Variants in BCAS1 observed in about 807,000 individuals in gnomAD.
BCAS1 encodes breast carcinoma-amplified sequence 1.
BCAS1 carries 46 observed loss-of-function variants against 65.4 expected under a neutral mutation model. The observed-to-expected ratio is 0.70, with a 90% CI of 0.55 to 0.90. The LOEUF is 0.90. Among genes scored for constraint, BCAS1 ranks in the 40% least tolerant of loss-of-function variants. The pLI, the probability that BCAS1 is intolerant of heterozygous loss-of-function variation, is 0.00. For synonymous variants in BCAS1, 298 were observed against 293.5 expected (o/e 1.02, Z -0.16); for missense variants, 793 against 771.2 (o/e 1.03, Z -0.33).
intron 7 of BCAS1, among the ~76,000 whole-genome samples, chr20:53,990,855 C>T (rs1024111284): frequency 1.3e-5 from 2 of 152,200 alleles, no homozygotes; most frequent in Non-Finnish European, 2.9e-5. Flanking sequence ...CCACTCAAGG[C>T]AAAACCCTGA....
At chr20:53,955,211 C>G (rs1345419238) in intron 11 of BCAS1, among the ~76,000 whole-genome samples, 1 of 152,092 alleles carries the variant, frequency 6.6e-6, no homozygotes, top group African/African-American at 2.4e-5. Context: ...CAGAGACTCC[C>G]CGGTCCAGAA....
At chr20:54,054,305 T>C (rs1213185255) in intron 3 of BCAS1, among the ~76,000 whole-genome samples, 1 of 152,124 alleles carries the variant, frequency 6.6e-6, no homozygotes, top group Non-Finnish European at 1.5e-5. Context: ...GTAGGAAAAG[T>C]ATAGATAAAA....
At chr20:54,018,084 C>A (rs1169335289) in intron 4 of BCAS1, among the ~76,000 whole-genome samples, 3 of 152,154 alleles carry the variant, frequency 2.0e-5, no homozygotes, top group African/African-American at 4.8e-5. Flanking sequence ...TTGGCCCGTG[C>A]AAAGAAAGAA....
At chr20:53,968,115 T>C (rs1260440766) in intron 9 of BCAS1, among the ~76,000 whole-genome samples, 1 of 152,256 alleles carries the variant, frequency 6.6e-6, no homozygotes, top group Non-Finnish European at 1.5e-5. Flanking sequence ...TACCTTGGCC[T>C]GCCACGTAGC....
At chr20:54,031,331 A>G (rs2146122898) in intron 3 of BCAS1, among the ~76,000 whole-genome samples, 1 of 151,578 alleles carries the variant, frequency 6.6e-6, no homozygotes, top group South Asian at 2.1e-4. Context: ...GCAAATCCAA[A>G]CAGTAGCTTT....
At chr20:53,978,776 CTTTAGTGT>C (rs2090402254) in intron 8 of BCAS1, among the ~76,000 whole-genome samples, 2 of 152,192 alleles carry the variant, frequency 1.3e-5, no homozygotes, top group Non-Finnish European at 2.9e-5. Flanking sequence ...TCTGATCCCC[CTTTAGTGT>C]TTGACACATG....
intron 3 of BCAS1, among the ~76,000 whole-genome samples, chr20:54,048,963 T>A (rs2092161408): frequency 6.6e-6 from 1 of 152,158 alleles, no homozygotes; most frequent in Admixed American, 6.5e-5. Flanking sequence ...AGATAAAAAA[T>A]AAGATCAATT....
At chr20:53,975,507 GTT>G in intron 8 of BCAS1, 77 bp from the exon 9 acceptor site, 2 of 1,222,404 alleles carry the variant, frequency 1.6e-6, no homozygotes, top group Non-Finnish European at 2.4e-6. Flanking sequence ...CAAAGGGTTA[GTT>G]GGGCTCACAG....
At chr20:54,017,399 CTTTT>C (rs200791354) in intron 4 of BCAS1, among the ~76,000 whole-genome samples, 1 of 121,710 alleles carries the variant, frequency 8.2e-6, no homozygotes, top group Admixed American at 7.9e-5. Context: ...TTTTTCTTTT[CTTTT>C]TTTTTTTTTT....
chr20:54,008,036 G>A (rs1000617903), intron 4 of BCAS1, among the ~76,000 whole-genome samples: 4 of 152,252 alleles, frequency 2.6e-5, no homozygotes, highest in Admixed American at 6.5e-5. Context: ...CTTTCCGAAA[G>A]CCTACTCTCT....
intron 8 of BCAS1, among the ~76,000 whole-genome samples, chr20:53,980,031 T>A (rs758423547): frequency 2.7e-4 from 41 of 152,220 alleles, no homozygotes; most frequent in Admixed American, 3.3e-4. Context: ...AACTAATAGG[T>A]TATATTAGGT....
At chr20:54,056,578 A>G (rs1271739774) in intron 3 of BCAS1, among the ~76,000 whole-genome samples, 5 of 152,060 alleles carry the variant, frequency 3.3e-5, no homozygotes, top group African/African-American at 1.2e-4. Context: ...GTAACCAAAA[A>G]CCACTTGTAC....
intron 4 of BCAS1, among the ~76,000 whole-genome samples, chr20:54,018,836 C>A (rs559249173): frequency 2.0e-4 from 30 of 152,302 alleles, no homozygotes; most frequent in Admixed American, 1.9e-3. Flanking sequence ...TGACGAAGGA[C>A]AACCTACATG....
Position 54,015,859 on chromosome 20 carries a change from G to T in BCAS1, c.723+12533C>A, listed in dbSNP as rs116761353. Among the ~76,000 whole-genome samples the T allele has an allele frequency of 6.5e-3, 992 of 152,210 alleles. 11 individuals are homozygous for T. Among genetic ancestry groups the T allele is most frequent in the African/African-American group, 0.022 (930 of 41,518 alleles). On this transcript the variant is annotated intron_variant, in intron 4 of 12. Coordinates refer to ENST00000688948, the MANE Select transcript of BCAS1 (RefSeq NM_001366298.2). ...GAATCGAGAAATTACCTAGATGGTG[G>T]CATTTTTTTACTTTTAGTTAGATTG... is the stretch of plus-strand genomic sequence containing the variant.
At chr20:53,980,385 G>A (rs537682853) in intron 8 of BCAS1, among the ~76,000 whole-genome samples, 2 of 152,208 alleles carry the variant, frequency 1.3e-5, no homozygotes, top group East Asian at 1.9e-4. Context: ...ATTCTTTGTC[G>A]GCTTGCATTC....
chr20:54,028,487 C>T lies in BCAS1; in HGVS notation c.628G>A (p.Asp210Asn), dbSNP rs747866332. 1.8e-5 allele frequency: 29 copies of T among 1,614,098 alleles called. No homozygotes were observed. Among genetic ancestry groups the T allele is most frequent in the Admixed American group, 1.2e-4 (7 of 60,006 alleles). The change falls in exon 4 of 13, where the codon GAC (aspartate) becomes AAC (asparagine). Residue 210 changes from aspartate (D) to asparagine (N), a missense_variant. Asp to Asn is a conservative substitution (Grantham distance 23). Coordinates refer to ENST00000688948, the MANE Select transcript of BCAS1 (RefSeq NM_001366298.2). Reference protein sequence around the residue: ...LDKGQEKVPGDSQQEAKRAEH... With the variant: ...LDKGQEKVPGNSQQEAKRAEH... ...GCCCTCTTGGCTTCCTGTTGGCTGTCACCTGGCACCTTTTCCTGTCCCTTG... is the reference window on the plus strand; with the variant it reads ...GCCCTCTTGGCTTCCTGTTGGCTGTTACCTGGCACCTTTTCCTGTCCCTTG...
At chr20:54,054,843 T>G (rs1244910987) in intron 3 of BCAS1, among the ~76,000 whole-genome samples, 2 of 152,216 alleles carry the variant, frequency 1.3e-5, no homozygotes, top group African/African-American at 4.8e-5. Context: ...TCCCTCCTTT[T>G]GGGAACATCT....
intron 3 of BCAS1, among the ~76,000 whole-genome samples, chr20:54,031,424 C>T (rs148916106): frequency 6.6e-6 from 1 of 151,420 alleles, no homozygotes; most frequent in East Asian, 1.9e-4. Context: ...GCAACTGAAG[C>T]TCTGCTCTCC....
intron 7 of BCAS1, among the ~76,000 whole-genome samples, chr20:53,986,249 G>A (rs550854056): frequency 2.9e-4 from 44 of 151,066 alleles, no homozygotes; most frequent in Non-Finnish European, 5.9e-4. Flanking sequence ...CCCTCTGTCC[G>A]TATCTCCTTT....
Sources: allele counts gnomAD v4.1 joint callset (sites outside exome capture counted in the v4.1 genomes callset), GRCh38; gene constraint gnomAD v4.1.1; transcripts MANE v1.5; gene names NCBI Gene and HGNC (gene_info 2026-07-23, HGNC 2026-07-21).